Variants in NCAM1 observed in about 807,000 individuals in gnomAD.
NCAM1 encodes antigen recognized by monoclonal antibody 5.1H11.
NCAM1 carries 14 observed loss-of-function variants against 109.8 expected under a neutral mutation model. The ratio of observed to expected loss-of-function variants is 0.13; its 90% CI spans 0.08 to 0.20. The LOEUF is 0.20. NCAM1 is among the 10% of genes least tolerant of loss of function. The probability of loss-of-function intolerance (pLI) is 1.00; values close to 1 mark genes in which losing one functional copy is unlikely to be tolerated. For synonymous variants in NCAM1, 418 were observed against 442.9 expected, an observed-to-expected ratio of 0.94 and a Z score of 0.70; for missense variants, 774 against 1,109.9, an observed-to-expected ratio of 0.70 and a Z score of 4.30.
intron 1 of NCAM1, among the ~76,000 whole-genome samples, chr11:113,104,329 G>C (rs1485101776): frequency 6.6e-6 from 1 of 151,474 alleles, no homozygotes; most frequent in African/African-American, 2.4e-5. Flanking sequence ...AGGGTGAAGA[G>C]TTTAGACATA....
Position 113,076,979 on chromosome 11 carries a change from A to T in NCAM1, c.52+115315A>T, listed in dbSNP as rs73568719. Among the ~76,000 whole-genome samples, 604 of 152,364 alleles carry T rather than the reference A, an allele frequency of 4.0e-3. 5 individuals carry two copies. The highest frequency in any genetic ancestry group is 0.014 in the African/African-American group (573 of 41,588). ...GACTACTCAAGTATCTGACCTAAAA[A>T]TATTTTAATACCTGATTATTATACA... On this transcript the variant is annotated intron_variant, in intron 1 of 19. Coordinates refer to ENST00000316851, the MANE Select transcript of NCAM1 (RefSeq NM_181351.5).
chr11:113,263,038 C>G, intron 17 of NCAM1: 1 of 1,501,654 alleles, frequency 6.7e-7, no homozygotes, highest in Non-Finnish European at 8.9e-7. Context: ...GCTGAGCAAC[C>G]ATTCTGTGTG....
At chr11:112,980,679 T>C (rs782518793) in intron 1 of NCAM1, among the ~76,000 whole-genome samples, 1 of 151,798 alleles carries the variant, frequency 6.6e-6, no homozygotes, top group Non-Finnish European at 1.5e-5. Flanking sequence ...AGTTCTTTAG[T>C]GGTGATTTCT....
chr11:113,094,424 C>T (rs1451621231), intron 1 of NCAM1, among the ~76,000 whole-genome samples: 1 of 152,168 alleles, frequency 6.6e-6, no homozygotes, highest in Non-Finnish European at 1.5e-5. Context: ...GGCCATTTCA[C>T]CTTCAGAGAT....
chr11:113,089,523 T>TG (rs1453298723), intron 1 of NCAM1, among the ~76,000 whole-genome samples: 1 of 152,168 alleles, frequency 6.6e-6, no homozygotes, highest in Non-Finnish European at 1.5e-5. Flanking sequence ...TTCAAACTCC[T>TG]GGGCTCAAGG....
chr11:113,242,719 T>C, intron 14 of NCAM1: 1 of 1,150,610 alleles, frequency 8.7e-7, no homozygotes, highest in Non-Finnish European at 1.3e-6. Flanking sequence ...CACCCATGTA[T>C]GTATACATAT....
chr11:113,164,117 G>T (rs140561649), intron 1 of NCAM1, among the ~76,000 whole-genome samples: 1 of 152,070 alleles, frequency 6.6e-6, no homozygotes. Context: ...TGCATTTAGC[G>T]CTGTACTCTG....
intron 1 of NCAM1, among the ~76,000 whole-genome samples, chr11:112,969,886 T>C (rs782163244): frequency 2.0e-5 from 3 of 152,206 alleles, no homozygotes; most frequent in East Asian, 3.9e-4. Flanking sequence ...ATGAAAGATA[T>C]TATATCAGTA....
chr11:113,113,850 C>T (rs1555094273), intron 1 of NCAM1, among the ~76,000 whole-genome samples: 1 of 152,058 alleles, frequency 6.6e-6, no homozygotes, highest in Admixed American at 6.6e-5. Flanking sequence ...GCTTTAAAAT[C>T]AACCTTGTGT....
intron 1 of NCAM1, among the ~76,000 whole-genome samples, chr11:113,106,984 A>C: frequency 6.6e-6 from 1 of 152,174 alleles, no homozygotes; most frequent in African/African-American, 2.4e-5. Context: ...AATTTTATCT[A>C]TTTGTTTCAC....
intron 15 of NCAM1, among the ~76,000 whole-genome samples, chr11:113,255,651 A>G (rs1405818636): frequency 6.7e-6 from 1 of 150,004 alleles, no homozygotes; most frequent in African/African-American, 2.5e-5. Flanking sequence ...GACCCTGCTC[A>G]CAGGAAGGCT....
chr11:113,236,232 T>C, intron 14 of NCAM1: 2 of 1,493,644 alleles, frequency 1.3e-6, no homozygotes, highest in Non-Finnish European at 1.9e-6. Flanking sequence ...TTTTACATCT[T>C]ATTTTTTTTT....
intron 7 of NCAM1, among the ~76,000 whole-genome samples, chr11:113,209,673 G>C (rs1944333921): frequency 6.6e-6 from 1 of 152,208 alleles, no homozygotes. Flanking sequence ...TTGAGTGACT[G>C]CTGTGGACTC....
At chr11:113,231,247 A>G (rs1439794333) in intron 9 of NCAM1, 1 of 1,536,126 alleles carries the variant, frequency 6.5e-7, no homozygotes, top group Non-Finnish European at 8.7e-7. Flanking sequence ...ACAGGCTGGC[A>G]GTGCAGGTTT....
At chr11:113,197,856 C>T (rs1233497851) in intron 1 of NCAM1, among the ~76,000 whole-genome samples, 4 of 152,206 alleles carry the variant, frequency 2.6e-5, no homozygotes, top group African/African-American at 9.6e-5. Flanking sequence ...TTGCCCACCT[C>T]TTCTGATAAG....
chr11:113,160,558 A>G (rs1942568652), intron 1 of NCAM1, among the ~76,000 whole-genome samples: 1 of 152,172 alleles, frequency 6.6e-6, no homozygotes, highest in South Asian at 2.1e-4. Flanking sequence ...ACTCCAGAGC[A>G]TTTCTTCCCC....
intron 1 of NCAM1, among the ~76,000 whole-genome samples, chr11:113,029,952 G>A (rs143055086): frequency 2.1e-3 from 325 of 152,278 alleles, no homozygotes; most frequent in African/African-American, 7.4e-3. Context: ...CAAAGAGACT[G>A]ATTGTCAGTC....
At chr11:113,006,725 A>G (rs910830671) in intron 1 of NCAM1, among the ~76,000 whole-genome samples, 10 of 152,326 alleles carry the variant, frequency 6.6e-5, no homozygotes, top group African/African-American at 2.4e-4. Context: ...TCCTAAGGTG[A>G]TAAGACAAAC....
intron 1 of NCAM1, among the ~76,000 whole-genome samples, chr11:113,093,163 T>C (rs528163408): frequency 2.3e-4 from 35 of 152,324 alleles, no homozygotes; most frequent in African/African-American, 7.7e-4. Flanking sequence ...AGTTTCCTAT[T>C]ACATTCATAA....
Sources: allele counts gnomAD v4.1 joint callset (sites outside exome capture counted in the v4.1 genomes callset), GRCh38; gene constraint gnomAD v4.1.1; transcripts MANE v1.5; gene names NCBI Gene and HGNC (gene_info 2026-07-23, HGNC 2026-07-21).